The following FGD5 variants were observed in gnomAD, a reference collection of about 807,000 sequenced individuals.
FGD5 encodes FYVE, RhoGEF and PH domain containing 5, also known as FYVE, RhoGEF and PH domain-containing protein 5.
Under a neutral mutation model 133.4 loss-of-function variants are expected in FGD5, and 28 were observed. That is an observed-to-expected ratio of 0.21 (90% confidence interval 0.16 to 0.29). The LOEUF (loss-of-function observed/expected upper bound fraction) is 0.29, where lower values mean the gene tolerates loss of function less well. FGD5 is among the 10% of genes least tolerant of loss of function. The pLI is 1.00. For synonymous variants in FGD5, 810 were observed against 776.5 expected (o/e 1.04, Z -0.72); for missense variants, 1,858 against 1,895.2 (o/e 0.98, Z 0.36).
intron 12 of FGD5, among the ~76,000 whole-genome samples, chr3:14,918,070 T>G (rs770426461): frequency 6.6e-6 from 1 of 152,242 alleles, no homozygotes; most frequent in African/African-American, 2.4e-5. Context: ...CTTCCACCTT[T>G]AGGCTGTTGT....
chr3:14,926,415 T>C (rs1372526168), intron 18 of FGD5, among the ~76,000 whole-genome samples: 4 of 152,230 alleles, frequency 2.6e-5, no homozygotes, highest in Admixed American at 6.5e-5. Flanking sequence ...GCAGTTTCTT[T>C]GTGGATATAA....
chr3:14,856,123 T>C (rs1031276701), intron 1 of FGD5, among the ~76,000 whole-genome samples: 2 of 152,122 alleles, frequency 1.3e-5, no homozygotes, highest in African/African-American at 2.4e-5. Context: ...CAGACCCATT[T>C]AGACTGTCCT....
intron 2 of FGD5, among the ~76,000 whole-genome samples, chr3:14,871,800 G>C (rs2037612760): frequency 6.6e-6 from 1 of 152,238 alleles, no homozygotes; most frequent in Non-Finnish European, 1.5e-5. Context: ...CAAAAGGGGA[G>C]TCTCAGACAT....
At chr3:14,845,564 T>G (rs1007396577) in intron 1 of FGD5, among the ~76,000 whole-genome samples, 2 of 152,180 alleles carry the variant, frequency 1.3e-5, no homozygotes, top group Admixed American at 6.5e-5. Flanking sequence ...GAACAGGTGA[T>G]GCAGGCAGGG....
chr3:14,856,144 A>T (rs2037273346), intron 1 of FGD5, among the ~76,000 whole-genome samples: 1 of 152,012 alleles, frequency 6.6e-6, no homozygotes, highest in South Asian at 2.1e-4. Flanking sequence ...TTCTCCAGTG[A>T]ATGTTCTTGG....
At position 14,821,384 on chromosome 3, in the gene FGD5, T is replaced by A. The variant is rs374204695; in HGVS notation, c.2313T>A (p.Thr771=). ...CCATCTCCTTCCCCAGCGCTGACAC[T>A]TCAGACTATGAGAACATTCCAGCCA... is the stretch of plus-strand genomic sequence containing the variant. ...PRSISFPSAD[T]SDYENIPAMN... is the part of the protein sequence containing the mutation. The change falls in exon 1 of 20, where the codon ACT becomes ACA. Residue 771 remains threonine, a synonymous_variant. Coordinates refer to ENST00000285046, the MANE Select transcript of FGD5 (RefSeq NM_152536.4). 1.4e-5 allele frequency: 22 copies of A among 1,613,840 alleles called. 1 individual carries two copies. The African/African-American group carries it at 2.3e-4, about 17-fold the overall frequency.
At chr3:14,835,112 G>A (rs571935580) in intron 1 of FGD5, among the ~76,000 whole-genome samples, 56 of 152,306 alleles carry the variant, frequency 3.7e-4, no homozygotes, top group Admixed American at 1.1e-3. Context: ...CCTGGCAAGC[G>A]TTGCCCCCGC....
At chr3:14,856,629 A>G (rs2467473) in intron 1 of FGD5, among the ~76,000 whole-genome samples, 1 of 151,498 alleles carries the variant, frequency 6.6e-6, no homozygotes, top group African/African-American at 2.4e-5. Context: ...TCTTGTAGCT[A>G]TTGTAAATGT....
chr3:14,837,454 A>G (rs1022162393), intron 1 of FGD5, among the ~76,000 whole-genome samples: 11 of 152,112 alleles, frequency 7.2e-5, no homozygotes, highest in Non-Finnish European at 1.2e-4. Flanking sequence ...ATTAGAGCTA[A>G]CGGTTGCGGG....
chr3:14,850,842 A>G (rs2037148822), intron 1 of FGD5, among the ~76,000 whole-genome samples: 1 of 151,904 alleles, frequency 6.6e-6, no homozygotes, highest in South Asian at 2.1e-4. Context: ...GGAGGGTGGG[A>G]AGGAATTCTG....
In FGD5 at chr3:14,897,581, G is replaced by A. The variant is rs2307092; in HGVS notation, c.2821G>A (p.Glu941Lys). 0.028 allele frequency: 44,332 copies of A among 1,604,634 alleles called. 2,643 individuals carry two copies. Among genetic ancestry groups the A allele is most frequent in the East Asian group, 0.27 (11,889 of 44,450 alleles). The stretch of plus-strand genomic sequence containing the variant: ...AGGCAGAGACACATTGGCCCGGGAG[G>A]AGCTGAGGCAGGGCCTGAGTGAACT... ...HEGRDTLARE[E>K]LRQGLSELPA... The change falls in exon 5 of 20, where the codon GAG becomes AAG. Residue 941 changes from glutamate to lysine, a missense_variant. Glu to Lys is a moderately conservative substitution (Grantham distance 56, BLOSUM62 1). Around this residue, in one of 3 missense-constraint regions of FGD5, gnomAD observed 1,824 missense variants for 1,848.9 expected, o/e 0.99. Transcript: ENST00000285046.
At chr3:14,843,077 T>C (rs1165940901) in intron 1 of FGD5, among the ~76,000 whole-genome samples, 1 of 152,240 alleles carries the variant, frequency 6.6e-6, no homozygotes, top group Admixed American at 6.5e-5. Context: ...GAGAGTTGAA[T>C]ACTTGATATT....
chr3:14,893,476 A>G (rs944429751), intron 4 of FGD5, among the ~76,000 whole-genome samples: 1 of 152,052 alleles, frequency 6.6e-6, no homozygotes, highest in Non-Finnish European at 1.5e-5. Flanking sequence ...TTCAGCAAAT[A>G]CCTGGAACCA....
chr3:14,811,887 T>C (rs1364611554), intron 1 of FGD5, among the ~76,000 whole-genome samples: 3 of 151,998 alleles, frequency 2.0e-5, no homozygotes, highest in East Asian at 1.9e-4. Context: ...CAGAATTTAG[T>C]AGAAGGCAGC....
In FGD5 at chr3:14,893,752, CTTTTTT is replaced by C. The variant is rs138741627; in HGVS notation, c.2749-3742_2749-3737del. On this transcript the variant is annotated intron_variant, in intron 4 of 19. Coordinates refer to ENST00000285046, the MANE Select transcript of FGD5 (RefSeq NM_152536.4). The stretch of plus-strand genomic sequence containing the variant: ...TTTCTTTTTCTTTCTTTTCTTTTTT[CTTTTTT>C]TTTTTTTTTTTTTTGAGACAGAGTC... Among the ~76,000 whole-genome samples, 23 of 95,060 alleles carry C rather than the reference CTTTTTT, an allele frequency of 2.4e-4. No homozygotes were observed. In the East Asian group the frequency reaches 7.3e-3, roughly 30 times the overall value. 62.4% of individuals were successfully genotyped at this position (95,060 alleles called of 152,430 possible). A position where few individuals can be genotyped will look rare whatever the true frequency, so the allele number is the denominator to read the frequency against.
At chr3:14,919,121 G>A (rs890098099) in intron 13 of FGD5, among the ~76,000 whole-genome samples, 1 of 152,168 alleles carries the variant, frequency 6.6e-6, no homozygotes, top group African/African-American at 2.4e-5. Flanking sequence ...TCTCATGTTT[G>A]TGGAGCTCTT....
intron 4 of FGD5, among the ~76,000 whole-genome samples, chr3:14,881,316 A>G (rs1232159285): frequency 8.3e-6 from 1 of 120,682 alleles, no homozygotes. Context: ...TCCCCTTCGT[A>G]ACTCACAGGA....
chr3:14,825,293 T>C (rs544441915), intron 1 of FGD5, among the ~76,000 whole-genome samples: 3 of 152,338 alleles, frequency 2.0e-5, no homozygotes, highest in Admixed American at 1.3e-4. Context: ...AAGAAGGTTT[T>C]ATCATTCTTT....
intron 1 of FGD5, among the ~76,000 whole-genome samples, chr3:14,844,219 T>A (rs2729691): frequency 0.18 from 2,204 of 11,916 alleles, 184 homozygotes; most frequent in African/African-American, 0.22. Context: ...AAAAAAAAAA[T>A]ATATATATAT....
Sources: allele counts gnomAD v4.1 joint callset (sites outside exome capture counted in the v4.1 genomes callset), GRCh38; gene constraint gnomAD v4.1.1; regional missense constraint gnomAD v4.1.1; transcripts MANE v1.5; gene names NCBI Gene and HGNC (gene_info 2026-07-23, HGNC 2026-07-21).